The following ABCC5 variants were observed in gnomAD, a reference collection of about 807,000 sequenced individuals.
The protein encoded by ABCC5 is ATP binding cassette subfamily C member 5, also known as ATP-binding cassette sub-family C member 5.
In ABCC5, 61 loss-of-function variants were observed where a neutral mutation model predicts 160.9. The observed-to-expected ratio is 0.38, with a 90% CI of 0.31 to 0.47. ABCC5 has a LOEUF of 0.47. Ranked by LOEUF, ABCC5 falls within the 20% of genes least tolerant of loss-of-function variation. The pLI is 0.99. For missense variants in ABCC5, 1,308 were observed against 1,813.3 expected (o/e 0.72, Z 5.06); for synonymous variants, 666 against 700.6 (o/e 0.95, Z 0.78).
intron 2 of ABCC5, chr3:184,006,324 G>A (rs891158838): frequency 6.7e-6 from 1 of 148,916 alleles, no homozygotes; most frequent in Admixed American, 6.7e-5. Context: ...AAAAAAGGCA[G>A]GTATTCTTAC....
In ABCC5 at chr3:183,987,645, T is replaced by C; in HGVS notation, c.591+125A>G. The C allele has an allele frequency of 7.5e-7, 1 of 1,327,834 alleles. No homozygotes were observed. The allele number at this position is 1,327,834 out of a possible 1,614,324, so 82.3% of individuals were successfully genotyped here. ...ATCCATCGACCCCTTTCAACAGACCTGAAGGCATCTCTAAGACTGCTACCT... is the reference window on the plus strand; with the variant it reads ...ATCCATCGACCCCTTTCAACAGACCCGAAGGCATCTCTAAGACTGCTACCT... On this transcript the variant is annotated intron_variant, in intron 5 of 29. Coordinates refer to ENST00000334444, the MANE Select transcript of ABCC5 (RefSeq NM_005688.4). This position sits in a 1 kb window ranked among gnomAD's most constrained non-coding sequence, Gnocchi z 4.2.
intron 11 of ABCC5, among the ~76,000 whole-genome samples, chr3:183,970,439 C>CTT (rs66475303): frequency 2.8e-5 from 4 of 145,262 alleles, no homozygotes; most frequent in Admixed American, 6.9e-5. Flanking sequence ...CCTCACCCAC[C>CTT]TTTTTTTTTT....
intron 12 of ABCC5, 126 bp downstream of exon 12, chr3:183,967,569 A>T (rs747887548): frequency 2.4e-6 from 2 of 829,874 alleles, no homozygotes; most frequent in Non-Finnish European, 4.0e-6. Flanking sequence ...GATTGGGGGC[A>T]TACAATGCAG....
At chr3:183,943,546 C>T (rs4148591) in intron 24 of ABCC5, among the ~76,000 whole-genome samples, 10,734 of 152,174 alleles carry the variant, frequency 0.071, 464 homozygotes, top group East Asian at 0.17. Context: ...GATATAACTG[C>T]TTGGGTAATT....
intron 2 of ABCC5, among the ~76,000 whole-genome samples, chr3:184,002,572 G>A (rs532816109): frequency 4.5e-4 from 69 of 152,278 alleles, no homozygotes; most frequent in Admixed American, 2.0e-3. Flanking sequence ...ACGCTTCTGC[G>A]GGCGCTAACG....
Position 183,922,596 on chromosome 3 carries a change from T to C in ABCC5, c.4213-1195A>G, listed in dbSNP as rs4148594. ...TGGCCATTCCTATGATGGACTTCTA[T>C]GTAGCCGTGGAAAATCATGTGGCAG... On this transcript the variant is annotated intron_variant, in intron 29 of 29. Transcript: ENST00000334444. 0.015 allele frequency among the ~76,000 whole-genome samples: 2,211 copies of C among 152,298 alleles called. 92 individuals carry two copies. The East Asian group carries it at 0.16, about 11-fold the overall frequency.
intron 5 of ABCC5, chr3:183,984,910 G>A (rs1560033625): frequency 1.9e-6 from 3 of 1,560,894 alleles, no homozygotes; most frequent in Non-Finnish European, 2.6e-6. Flanking sequence ...AGGACAGCAG[G>A]TGGTTGCCTT....
At chr3:183,943,846 T>C (rs1388595349) in intron 24 of ABCC5, among the ~76,000 whole-genome samples, 1 of 152,124 alleles carries the variant, frequency 6.6e-6, no homozygotes, top group Non-Finnish European at 1.5e-5. Context: ...ACTCAAACAC[T>C]GCACATATGT....
At chr3:183,964,848 G>A (rs1717071921) in intron 14 of ABCC5, among the ~76,000 whole-genome samples, 2 of 152,200 alleles carry the variant, frequency 1.3e-5, no homozygotes, top group African/African-American at 4.8e-5. Flanking sequence ...TCTGAGTTAA[G>A]GAGGTTGGCA....
chr3:183,997,001 T>C (rs1304942655), intron 2 of ABCC5, among the ~76,000 whole-genome samples: 4 of 152,184 alleles, frequency 2.6e-5, no homozygotes, highest in Non-Finnish European at 5.9e-5. Flanking sequence ...AAGGAACCAC[T>C]GTCCTACTCC....
intron 17 of ABCC5, among the ~76,000 whole-genome samples, chr3:183,957,928 G>A (rs72497182): frequency 1.5e-5 from 2 of 136,110 alleles, no homozygotes; most frequent in Middle Eastern, 5.1e-3. Flanking sequence ...ATATCACATC[G>A]GTTACATGCG....
chr3:183,927,888 A>G (rs1169618228), intron 27 of ABCC5: 10 of 897,900 alleles, frequency 1.1e-5, no homozygotes, highest in Admixed American at 6.2e-5. Flanking sequence ...AGAGCAGAGG[A>G]AAAAACAGAA....
chr3:183,970,052 C>A (rs1717592390), intron 11 of ABCC5, among the ~76,000 whole-genome samples: 1 of 152,222 alleles, frequency 6.6e-6, no homozygotes, highest in Non-Finnish European at 1.5e-5. Flanking sequence ...GTCTCCCCTG[C>A]AGCAACCAGA....
rs1348141648 is a variant in ABCC5, at chr3:183,921,111, T to C, written c.*189A>G. The C allele has an allele frequency of 4.3e-6, 2 of 468,106 alleles. No homozygotes were observed. The highest frequency in any genetic ancestry group is 7.7e-6 in the Non-Finnish European group (2 of 259,158). 29.0% of individuals were successfully genotyped at this position (468,106 alleles called of 1,614,324 possible). Reference sequence around the variant, plus strand: ...AAAAACTAAATTTTGTTTACATGAATATGGAATAAATACAATAATCAAAAT... The same window carrying C: ...AAAAACTAAATTTTGTTTACATGAACATGGAATAAATACAATAATCAAAAT... On this transcript the variant is annotated 3_prime_UTR_variant, in exon 30 of 30. Transcript: ENST00000334444. This position sits in a 1 kb window ranked among gnomAD's most constrained non-coding sequence, Gnocchi z 4.1.
chr3:183,953,081 C>T lies in ABCC5; in HGVS notation c.2667+5G>A, dbSNP rs201663118. The T allele has an allele frequency of 3.1e-6, 5 of 1,612,516 alleles. No individual in the cohort carries two copies. In the African/African-American group the frequency reaches 5.3e-5, roughly 17 times the overall value. On this transcript the variant is annotated splice_donor_5th_base_variant and intron_variant, in intron 18 of 29. Coordinates refer to ENST00000334444, the MANE Select transcript of ABCC5 (RefSeq NM_005688.4). ...CAGAACTTTCCCATTTATGAGTAAC[C>T]TTACCCCGCTTCCTTGCTTGATCCA...
At chr3:183,978,740 C>T (rs1437491736) in intron 8 of ABCC5, 89 bp from the exon 9 acceptor site, 1 of 1,439,428 alleles carries the variant, frequency 6.9e-7, no homozygotes, top group African/African-American at 1.4e-5. Context: ...CTCTGTAGGT[C>T]TCCAGCCACC....
In ABCC5 at chr3:183,946,040, G is replaced by T. The variant is rs58764680; in HGVS notation, c.3415-101C>A. On this transcript the variant is annotated intron_variant, in intron 23 of 29. Transcript: ENST00000334444. The stretch of plus-strand genomic sequence containing the variant: ...CATCTAGAGGACTACTAAGAACTGA[G>T]CACATGCAGCAGCTGGTCTTAGGGA... 188 of 1,074,014 alleles carry T rather than the reference G, an allele frequency of 1.8e-4. 2 individuals are homozygous for T. In the African/African-American group the frequency reaches 2.7e-3, roughly 15 times the overall value. The allele number at this position is 1,074,014 out of a possible 1,614,324, so 66.5% of individuals were successfully genotyped here. A position where few individuals can be genotyped will look rare whatever the true frequency, so the allele number is the denominator to read the frequency against.
chr3:183,974,428 C>T (rs982963304), intron 10 of ABCC5, among the ~76,000 whole-genome samples: 1 of 152,092 alleles, frequency 6.6e-6, no homozygotes, highest in Non-Finnish European at 1.5e-5. Flanking sequence ...CTGTGTCAGC[C>T]CTCCTGAGTA....
rs773820408 is a variant in ABCC5 at position 183,951,666 on chromosome 3, G to A, written c.2815-96C>T. 5.7e-5 allele frequency: 87 copies of A among 1,533,992 alleles called. No individual in the cohort carries two copies. Among genetic ancestry groups the A allele is most frequent in the Non-Finnish European group, 7.5e-5 (85 of 1,135,736 alleles). On this transcript the variant is annotated intron_variant, in intron 19 of 29. Transcript: ENST00000334444. The surrounding 1 kb of genome is among the most constrained non-coding windows in gnomAD (Gnocchi z 4.7). ...CGCAGCACATCCACTCCCAAAGCGG[G>A]GAGGTGTGAGGGGTCAGGAGGGACA...
Sources: gnomAD v4.1 joint callset for allele counts (sites outside exome capture counted in the v4.1 genomes callset) on GRCh38, gnomAD v4.1.1 for gene constraint, Gnocchi (gnomAD v3.1) non-coding constraint, MANE v1.5 for transcripts, NCBI Gene and HGNC (gene_info 2026-07-23, HGNC 2026-07-21) for gene names.